TENM2: variants seen among roughly 807,000 people sequenced by gnomAD.
The protein encoded by TENM2 is teneurin transmembrane protein 2.
Under a neutral mutation model 245.2 loss-of-function variants are expected in TENM2, and 52 were observed. The ratio of observed to expected loss-of-function variants is 0.21; its 90% CI spans 0.17 to 0.27. The LOEUF (loss-of-function observed/expected upper bound fraction) is 0.27, where lower values mean the gene tolerates loss of function less well. TENM2 is among the 10% of genes least tolerant of loss of function. The pLI is 1.00. For missense variants in TENM2, 3,046 were observed against 3,666.8 expected, an observed-to-expected ratio of 0.83 and a Z score of 4.37; for synonymous variants, 1,363 against 1,438.9, an observed-to-expected ratio of 0.95 and a Z score of 1.19.
intron 2 of TENM2, among the ~76,000 whole-genome samples, chr5:167,807,742 C>T (rs750244131): frequency 2.6e-5 from 4 of 151,778 alleles, no homozygotes; most frequent in Non-Finnish European, 4.4e-5. Flanking sequence ...TGCAAATTTC[C>T]CACCAAGAAT....
chr5:167,939,589 A>G (rs1260804491), intron 3 of TENM2, among the ~76,000 whole-genome samples: 1 of 152,254 alleles, frequency 6.6e-6, no homozygotes. Context: ...TAACGTGTTG[A>G]TGTTAGCTCC....
chr5:168,037,980 T>C (rs1291728970), intron 5 of TENM2, among the ~76,000 whole-genome samples: 1 of 152,128 alleles, frequency 6.6e-6, no homozygotes, highest in Non-Finnish European at 1.5e-5. Flanking sequence ...TTCAGGCAAA[T>C]GAGAGAATAA....
intron 4 of TENM2, among the ~76,000 whole-genome samples, chr5:167,989,041 C>A (rs1351548966): frequency 6.6e-6 from 1 of 152,136 alleles, no homozygotes; most frequent in Non-Finnish European, 1.5e-5. Context: ...ATTCTGTCCA[C>A]AAATATGACT....
At chr5:167,761,520 T>G (rs1261341207) in intron 2 of TENM2, among the ~76,000 whole-genome samples, 1 of 152,152 alleles carries the variant, frequency 6.6e-6, no homozygotes, top group Non-Finnish European at 1.5e-5. Context: ...AAAATCATCC[T>G]AAAATCATGT....
chr5:167,688,308 C>A (rs1031453113), intron 2 of TENM2, among the ~76,000 whole-genome samples: 1 of 152,160 alleles, frequency 6.6e-6, no homozygotes, highest in African/African-American at 2.4e-5. Flanking sequence ...ACTTTCCCCC[C>A]ATGTTTTTAT....
chr5:167,407,106 C>T (rs1762676518), intron 2 of TENM2, among the ~76,000 whole-genome samples: 1 of 152,058 alleles, frequency 6.6e-6, no homozygotes, highest in Non-Finnish European at 1.5e-5. Context: ...TTGAAATATA[C>T]CACCTGCTTT....
intron 2 of TENM2, among the ~76,000 whole-genome samples, chr5:167,707,629 C>G (rs1466013829): frequency 6.6e-6 from 1 of 152,084 alleles, no homozygotes; most frequent in African/African-American, 2.4e-5. Flanking sequence ...TGAAAATGCA[C>G]CAACAAAAAC....
chr5:167,243,518 G>A, the TENM2 span, among the ~76,000 whole-genome samples: 1 of 152,150 alleles, frequency 6.6e-6, no homozygotes, highest in Non-Finnish European at 1.5e-5. Context: ...AAGAATTGTT[G>A]TAGTGAGTTG....
the TENM2 span, among the ~76,000 whole-genome samples, chr5:167,122,740 A>T: frequency 6.6e-6 from 1 of 152,132 alleles, no homozygotes; most frequent in South Asian, 2.1e-4. Context: ...ACTTTTGATG[A>T]TCCCCAAATC....
chr5:167,994,368 G>A (rs1261402733), intron 5 of TENM2, among the ~76,000 whole-genome samples: 1 of 152,134 alleles, frequency 6.6e-6, no homozygotes, highest in Non-Finnish European at 1.5e-5. Context: ...TTCTCGCTCA[G>A]CACTGGGGGC....
At chr5:168,205,372 GT>G (rs1364758047) in intron 19 of TENM2, among the ~76,000 whole-genome samples, 1 of 151,556 alleles carries the variant, frequency 6.6e-6, no homozygotes, top group Non-Finnish European at 1.5e-5. Flanking sequence ...TTGTGTTTGT[GT>G]TCTGGTAAGG....
chr5:167,324,132 A>G (rs1756943067), intron 1 of TENM2, among the ~76,000 whole-genome samples: 1 of 152,212 alleles, frequency 6.6e-6, no homozygotes. Flanking sequence ...TTTGAAGATT[A>G]GATATAAGTT....
intron 2 of TENM2, among the ~76,000 whole-genome samples, chr5:167,457,891 A>T (rs894286185): frequency 6.6e-6 from 1 of 152,206 alleles, no homozygotes; most frequent in Admixed American, 6.5e-5. Flanking sequence ...ACTTTCCAGG[A>T]ATCTTTTAAG....
intron 5 of TENM2, among the ~76,000 whole-genome samples, chr5:168,001,673 A>G (rs1730895193): frequency 6.6e-6 from 1 of 152,222 alleles, no homozygotes; most frequent in Non-Finnish European, 1.5e-5. Context: ...TTTTAAGGTC[A>G]CCTAAAACCA....
intron 2 of TENM2, among the ~76,000 whole-genome samples, chr5:167,546,169 C>CTCCAGAGTTTATACACTT (rs1772547319): frequency 6.6e-6 from 1 of 152,158 alleles, no homozygotes; most frequent in South Asian, 2.1e-4. Flanking sequence ...ATTATTCTTC[C>CTCCAGAGTTTATACACTT]TCCAGAGTTT....
At chr5:167,564,493 AC>A (rs1935936887) in intron 2 of TENM2, among the ~76,000 whole-genome samples, 1 of 152,212 alleles carries the variant, frequency 6.6e-6, no homozygotes, top group Non-Finnish European at 1.5e-5. Context: ...TATCTGGCTT[AC>A]ATTGTAAAAG....
rs1258029057 is a variant in TENM2 at position 167,557,376 on chromosome 5, G to T, written c.502+181903G>T. ...GCTAAGAGCATGAGCTCTGGAGATGGATTGCCTGTGTTCAAATCCCAGCTC... is the reference window on the plus strand; with the variant it reads ...GCTAAGAGCATGAGCTCTGGAGATGTATTGCCTGTGTTCAAATCCCAGCTC... On this transcript the variant is annotated intron_variant, in intron 2 of 28. Coordinates refer to ENST00000518659, the Ensembl canonical transcript of TENM2. Among the ~76,000 whole-genome samples, 8 of 152,302 alleles carry T rather than the reference G, an allele frequency of 5.3e-5. No individual in the cohort carries two copies. In the East Asian group the frequency reaches 1.5e-3, roughly 29 times the overall value.
At chr5:168,215,674 A>T (rs991796336) in intron 21 of TENM2, among the ~76,000 whole-genome samples, 2 of 152,244 alleles carry the variant, frequency 1.3e-5, no homozygotes, top group African/African-American at 4.8e-5. Context: ...GTCTCAAAAA[A>T]GAAAAAGAAA....
At chr5:168,238,608 C>T (rs1292379515) in intron 25 of TENM2, among the ~76,000 whole-genome samples, 3 of 152,200 alleles carry the variant, frequency 2.0e-5, no homozygotes, top group Non-Finnish European at 2.9e-5. Context: ...CACTAGCTCC[C>T]GTCATTGCGC....
Sources: allele counts gnomAD v4.1 joint callset (sites outside exome capture counted in the v4.1 genomes callset), GRCh38; gene constraint gnomAD v4.1.1; transcripts MANE v1.5; gene names NCBI Gene and HGNC (gene_info 2026-07-23, HGNC 2026-07-21).